RPS6KA3: variants seen among roughly 807,000 people sequenced by gnomAD.
RPS6KA3 encodes the protein ribosomal protein S6 kinase A3, also known as ribosomal protein S6 kinase alpha-3.
RPS6KA3 carries 4 observed loss-of-function variants against 67.2 expected under a neutral mutation model. The ratio of observed to expected loss-of-function variants is 0.06; its 90% CI spans 0.03 to 0.14. The LOEUF is 0.14. Ranked by LOEUF, RPS6KA3 falls within the 10% of genes least tolerant of loss-of-function variation. The pLI is 1.00. For synonymous variants in RPS6KA3, 182 were observed against 183.7 expected (o/e 0.99, Z 0.07); for missense variants, 204 against 559.0 (o/e 0.36, Z 6.40).
At position 20,248,731 on chromosome X, in the gene RPS6KA3, T is replaced by C. The variant is rs555250076; in HGVS notation, c.70-13917A>G. On this transcript the variant is annotated intron_variant, in intron 1 of 21. Coordinates refer to ENST00000379565, the MANE Select transcript of RPS6KA3 (RefSeq NM_004586.3). ...AAGTCACAGGAAGTTGCAAAAATAA[T>C]ACAGAGAGGTCCCATACACTTTTAA... is the stretch of plus-strand genomic sequence containing the variant. Among the ~76,000 whole-genome samples the C allele has an allele frequency of 2.2e-4, 25 of 112,140 alleles. 1 individual carries two copies. The South Asian group carries it at 8.1e-3, about 36-fold the overall frequency.
In RPS6KA3 at chrX:20,186,222, A is replaced by C. The variant is rs924093113; in HGVS notation, c.845+74T>G. 6.6e-5 allele frequency: 48 copies of C among 730,054 alleles called. No homozygotes were observed. The Admixed American group carries it at 1.1e-3, about 16-fold the overall frequency. The allele number at this position is 730,054 out of a possible 1,213,427, so 60.2% of individuals were successfully genotyped here. On this transcript the variant is annotated intron_variant, in intron 10 of 21. Transcript: ENST00000379565. ...CTCCCAAAGTGCTGGGATTACAGGC[A>C]TGAGCCACAGCGCCCAGCCTGAAGC...
In RPS6KA3 at chrX:20,222,299, C is replaced by T. The variant is rs765027963; in HGVS notation, c.126+12459G>A. On this transcript the variant is annotated intron_variant, in intron 2 of 21. Transcript: ENST00000379565. ...AGGAAGGAAATGAAGAGGTTTAGGG[C>T]CATATTAAGTGAGGCCTTAGACCCA... 9.0e-5 allele frequency among the ~76,000 whole-genome samples: 10 copies of T among 111,502 alleles called. No individual in the cohort carries two copies. The East Asian group carries it at 2.8e-3, about 31-fold the overall frequency.
Position 20,179,208 on chromosome X carries a change from G to C in RPS6KA3, c.846-2124C>G, listed in dbSNP as rs184832674. On this transcript the variant is annotated intron_variant, in intron 10 of 21. Transcript: ENST00000379565. ...AGGGTGCATGAAAATGCTGATAACT[G>C]GGAGTATAAGAAAAGAACAGCAAAT... 9.2e-4 allele frequency among the ~76,000 whole-genome samples: 103 copies of C among 111,985 alleles called. 1 individual carries two copies. The highest frequency in any genetic ancestry group is 3.1e-3 in the African/African-American group (96 of 30,793).
At chrX:20,247,029 A>G (rs2069708286) in intron 1 of RPS6KA3, among the ~76,000 whole-genome samples, 1 of 112,451 alleles carries the variant, frequency 8.9e-6, no homozygotes, top group Admixed American at 9.4e-5. Flanking sequence ...CTAGTAACAA[A>G]GCCATCAAAA....
intron 1 of RPS6KA3, 38 bp from the exon 2 acceptor site, chrX:20,234,852 G>T: frequency 9.6e-7 from 1 of 1,044,298 alleles, no homozygotes; most frequent in Non-Finnish European, 1.3e-6. Flanking sequence ...TACCAAAACA[G>T]ACCTCACATC....
At chrX:20,218,455 C>T (rs979990897) in intron 2 of RPS6KA3, among the ~76,000 whole-genome samples, 1 of 111,184 alleles carries the variant, frequency 9.0e-6, no homozygotes, top group Admixed American at 9.6e-5. Context: ...AGCAATTTTG[C>T]AATTCTGTTT....
chrX:20,185,985 G>C (rs1380805904), intron 10 of RPS6KA3, among the ~76,000 whole-genome samples: 1 of 111,877 alleles, frequency 8.9e-6, no homozygotes, highest in East Asian at 2.8e-4. Context: ...TGTTGCCCAG[G>C]ATGGAGTGCA....
At position 20,182,573 on chromosome X, in the gene RPS6KA3, A is replaced by G. The variant is rs148301853; in HGVS notation, c.845+3723T>C. Among the ~76,000 whole-genome samples the G allele has an allele frequency of 4.0e-3, 447 of 112,608 alleles. 2 individuals carry two copies. The highest frequency in any genetic ancestry group is 0.013 in the African/African-American group (416 of 31,067). On this transcript the variant is annotated intron_variant, in intron 10 of 21. Transcript: ENST00000379565. ...TTCTATTGTATTCGACTGTACGAAT[A>G]TACCATCATTTATTAATTGATTCTT...
At chrX:20,185,750 G>C (rs1243316090) in intron 10 of RPS6KA3, among the ~76,000 whole-genome samples, 1 of 111,341 alleles carries the variant, frequency 9.0e-6, no homozygotes, top group African/African-American at 3.3e-5. Context: ...GAAATAATGG[G>C]CATCCTTGCC....
chrX:20,170,218 A>C, intron 15 of RPS6KA3, among the ~76,000 whole-genome samples: 1 of 112,419 alleles, frequency 8.9e-6, no homozygotes, highest in Middle Eastern at 4.6e-3. Context: ...TATATAAAAA[A>C]GACAAATTTT....
chrX:20,172,755 A>T lies in RPS6KA3; in HGVS notation c.1344T>A (p.Phe448Leu). The change falls in exon 15 of 22, where the codon TTT (phenylalanine) becomes TTA (leucine). Residue 448 changes from phenylalanine to leucine, a missense_variant. Physicochemically the swap from Phe to Leu is conservative, Grantham distance 22. Transcript: ENST00000379565. ...AATAAAAAAAATTTACCTTCACTGC[A>T]AACTCCATGTTTGTAGCTTTATGTA... Reference protein sequence around the residue: ...RCIHKATNMEFAVKIIDKSKR... With the variant: ...RCIHKATNMELAVKIIDKSKR... 8.3e-7 allele frequency: 1 copy of T among 1,199,782 alleles called. No individual in the cohort carries two copies. The highest frequency in any genetic ancestry group is 1.1e-6 in the Non-Finnish European group (1 of 887,443).
In RPS6KA3 at chrX:20,194,272, A is replaced by C. The variant is rs1040089025; in HGVS notation, c.407-4T>G. The C allele has an allele frequency of 8.8e-7, 1 of 1,134,766 alleles. No individual in the cohort carries two copies. Among genetic ancestry groups the C allele is most frequent in the Admixed American group, 2.2e-5 (1 of 45,586 alleles). The allele number at this position is 1,134,766 out of a possible 1,213,427, so 93.5% of individuals were successfully genotyped here. On this transcript the variant is annotated splice_polypyrimidine_tract_variant and splice_region_variant and intron_variant, in intron 5 of 21. Coordinates refer to ENST00000379565, the MANE Select transcript of RPS6KA3 (RefSeq NM_004586.3). Reference sequence around the variant, plus strand: ...AACTTCCCTTCAGTTTGAAAAGCTGAATGAAGAAATGAAAATTTTCATTTA... The same window carrying C: ...AACTTCCCTTCAGTTTGAAAAGCTGCATGAAGAAATGAAAATTTTCATTTA...
At chrX:20,166,043 A>G (rs1301045148) in intron 17 of RPS6KA3, among the ~76,000 whole-genome samples, 1 of 112,504 alleles carries the variant, frequency 8.9e-6, no homozygotes, top group Non-Finnish European at 1.9e-5. Context: ...ATATACTGTA[A>G]TAAAAGTTAT....
chrX:20,254,835 A>G (rs1379526701), intron 1 of RPS6KA3, among the ~76,000 whole-genome samples: 1 of 112,048 alleles, frequency 8.9e-6, no homozygotes, highest in Non-Finnish European at 1.9e-5. Context: ...AAAGACAATA[A>G]TAAGTGATGG....
At chrX:20,266,509 C>G in intron 1 of RPS6KA3, 55 bp downstream of exon 1, 1 of 1,002,042 alleles carries the variant, frequency 1.0e-6, no homozygotes, top group Non-Finnish European at 1.4e-6. Flanking sequence ...GCGAAGCGAG[C>G]CGGCGGGGGC....
chrX:20,175,050 A>C (rs1221444217), intron 14 of RPS6KA3, 114 bp downstream of exon 14: 3 of 771,219 alleles, frequency 3.9e-6, no homozygotes, highest in Non-Finnish European at 5.9e-6. Flanking sequence ...CACTATGCCC[A>C]GTCTAAAATG....
At chrX:20,224,636 C>T (rs928868464) in intron 2 of RPS6KA3, among the ~76,000 whole-genome samples, 3 of 111,324 alleles carry the variant, frequency 2.7e-5, no homozygotes, top group Non-Finnish European at 5.7e-5. Flanking sequence ...CATCAATAGA[C>T]AGTGTTATAA....
At chrX:20,229,503 G>T (rs1018284038) in intron 2 of RPS6KA3, among the ~76,000 whole-genome samples, 3 of 111,415 alleles carry the variant, frequency 2.7e-5, no homozygotes, top group Non-Finnish European at 5.7e-5. Flanking sequence ...CAAAAGATGC[G>T]GCTAAGCTCT....
At chrX:20,209,183 G>T in intron 3 of RPS6KA3, 105 bp downstream of exon 3, 1 of 543,149 alleles carries the variant, frequency 1.8e-6, no homozygotes, top group Admixed American at 2.4e-5. Flanking sequence ...AACATTGCTG[G>T]TAGGAAGACT....
Sources: gnomAD v4.1 joint callset for allele counts (sites outside exome capture counted in the v4.1 genomes callset) on GRCh38, gnomAD v4.1.1 for gene constraint, MANE v1.5 for transcripts, NCBI Gene and HGNC (gene_info 2026-07-23, HGNC 2026-07-21) for gene names.